The following COG4 variants were observed in gnomAD, a reference collection of about 807,000 sequenced individuals.
The protein encoded by COG4 is conserved oligomeric Golgi complex subunit 4.
In COG4, 65 loss-of-function variants were observed where a neutral mutation model predicts 95.1. That is an observed-to-expected ratio of 0.68 (90% CI 0.56 to 0.84). COG4 has a LOEUF of 0.84. COG4 is among the 40% of genes least tolerant of loss of function. The probability of loss-of-function intolerance (pLI) is 0.00; values close to 1 mark genes in which losing one functional copy is unlikely to be tolerated. For synonymous variants in COG4, 421 were observed against 374.8 expected (o/e 1.12, Z -1.42); for missense variants, 1,045 against 989.1 (o/e 1.06, Z -0.76).
intron 3 of COG4, among the ~76,000 whole-genome samples, chr16:70,516,585 C>T (rs2049827843): frequency 1.3e-5 from 2 of 152,040 alleles, no homozygotes; most frequent in South Asian, 4.1e-4. Context: ...CGTGAGCCAC[C>T]GCGCCCAGCC....
At position 70,514,512 on chromosome 16, in the gene COG4, G is replaced by A. The variant is rs745359713; in HGVS notation, c.370-3C>T. On this transcript the variant is annotated splice_region_variant and splice_polypyrimidine_tract_variant and intron_variant, in intron 3 of 18. Transcript: ENST00000323786. Reference sequence around the variant, plus strand: ...TGAATGGCCTGATAGAGGCGGTTCTGCAAAAAGATTTGGTACTTACAAACA... The same window carrying A: ...TGAATGGCCTGATAGAGGCGGTTCTACAAAAAGATTTGGTACTTACAAACA... 45 of 1,613,588 alleles carry A rather than the reference G, an allele frequency of 2.8e-5. No individual in the cohort carries two copies. In the East Asian group the frequency reaches 9.8e-4, roughly 35 times the overall value.
At chr16:70,502,977 A>G (rs2049485251) in intron 8 of COG4, among the ~76,000 whole-genome samples, 2 of 152,332 alleles carry the variant, frequency 1.3e-5, no homozygotes, top group South Asian at 4.1e-4. Context: ...AAAAGAATCA[A>G]GTTGAACCCC....
chr16:70,497,538 C>T (rs1011389618), intron 10 of COG4, 151 bp from the exon 11 acceptor site: 2 of 781,916 alleles, frequency 2.6e-6, no homozygotes, highest in East Asian at 5.2e-5. Flanking sequence ...GTCAAAATAG[C>T]TTACTTCCCT....
At chr16:70,522,022 A>C (rs567034512) in intron 1 of COG4, among the ~76,000 whole-genome samples, 1 of 139,648 alleles carries the variant, frequency 7.2e-6, no homozygotes, top group African/African-American at 2.7e-5. Flanking sequence ...TAAGAGACAC[A>C]ATTTTGCTCT....
At position 70,519,696 on chromosome 16, in the gene COG4, T is replaced by C; in HGVS notation, c.207A>G (p.Glu69=). 3 of 1,613,998 alleles carry C rather than the reference T, an allele frequency of 1.9e-6. No individual in the cohort carries two copies. Among genetic ancestry groups the C allele is most frequent in the Non-Finnish European group, 2.5e-6 (3 of 1,179,946 alleles). Residue 69 remains glutamate, a synonymous_variant, in exon 2 of 19, where the codon GAA becomes GAG. Transcript: ENST00000323786. ...TCTTACTTTCAATGGTGTTTTGCTG[T>C]TCCAAAAGAGCATCCAGCTCTCTCT... ...VVERELDALL[E]QQNTIESKMV...
intron 8 of COG4, 162 bp from the exon 9 acceptor site, chr16:70,501,253 A>G (rs193300342): frequency 1.2e-5 from 8 of 685,090 alleles, no homozygotes; most frequent in Admixed American, 7.4e-5. Context: ...AGAATCAGAG[A>G]TAGCTGTCAA....
chr16:70,492,372 ATGGAGGCCAGGCGCAG>A (rs2049261670), intron 12 of COG4, among the ~76,000 whole-genome samples: 1 of 152,176 alleles, frequency 6.6e-6, no homozygotes, highest in African/African-American at 2.4e-5. Context: ...TAAAAGTAGC[ATGGAGGCCAGGCGCAG>A]TGGCTCATGC....
rs778700990 is a variant in COG4, at chr16:70,490,378, G to T, written c.1662C>A (p.Asn554Lys). 6.2e-7 allele frequency: 1 copy of T among 1,613,694 alleles called. No individual in the cohort carries two copies. The highest frequency in any genetic ancestry group is 8.5e-7 in the Non-Finnish European group (1 of 1,179,694). ...AGATGTTTTCACTGCAGACTTCCACGTTGTTCAGAGTCACCTGGGAGATGA... is the reference window on the plus strand; with the variant it reads ...AGATGTTTTCACTGCAGACTTCCACTTTGTTCAGAGTCACCTGGGAGATGA... ...AKMSFLVTLN[N>K]VEVCSENIST... The change falls in exon 13 of 19, where the codon AAC (asparagine) becomes AAA (lysine). Residue 554 changes from asparagine to lysine, a missense_variant. Coordinates refer to ENST00000323786, the MANE Select transcript of COG4 (RefSeq NM_015386.3).
At chr16:70,518,133 G>A (rs1271721969) in intron 2 of COG4, among the ~76,000 whole-genome samples, 1 of 152,050 alleles carries the variant, frequency 6.6e-6, no homozygotes, top group Non-Finnish European at 1.5e-5. Context: ...GTTTCACCAC[G>A]TTGGCCAGGA....
chr16:70,500,496 G>A (rs1192307921), intron 9 of COG4, among the ~76,000 whole-genome samples: 1 of 150,694 alleles, frequency 6.6e-6, no homozygotes, highest in Non-Finnish European at 1.5e-5. Flanking sequence ...GAGTAGCTGG[G>A]ACTGCAGGTG....
intron 15 of COG4, 30 bp from the exon 16 acceptor site, chr16:70,482,205 T>C (rs749694230): frequency 6.3e-6 from 9 of 1,439,140 alleles, no homozygotes; most frequent in East Asian, 2.3e-5. Flanking sequence ...CTGGTCACCA[T>C]GGGCCTCATA....
intron 18 of COG4, 38 bp from the exon 19 acceptor site, chr16:70,481,182 GGTTAT>G: frequency 6.2e-7 from 1 of 1,613,038 alleles, no homozygotes; most frequent in South Asian, 1.1e-5. Flanking sequence ...AGCAAGGTGG[GGTTAT>G]TCTGAAAGAG....
At chr16:70,482,655 G>A (rs1357925936) in intron 15 of COG4, 74 bp downstream of exon 15, 4 of 1,212,356 alleles carry the variant, frequency 3.3e-6, no homozygotes, top group Non-Finnish European at 3.7e-6. Context: ...CTGTTCAGAT[G>A]GCTCTGCTCC....
chr16:70,519,844 T>C (rs1258048687), intron 1 of COG4, 113 bp from the exon 2 acceptor site: 1 of 775,588 alleles, frequency 1.3e-6, no homozygotes, highest in Non-Finnish European at 2.2e-6. Flanking sequence ...CTTTTTTCCT[T>C]CCACTATGTT....
At chr16:70,509,045 A>T (rs1244200483) in intron 7 of COG4, 186 bp downstream of exon 7, 1 of 716,652 alleles carries the variant, frequency 1.4e-6, no homozygotes, top group Non-Finnish European at 2.4e-6. Context: ...GGCCATCATC[A>T]TCTCGACAAC....
intron 8 of COG4, among the ~76,000 whole-genome samples, chr16:70,506,782 C>G (rs1411427631): frequency 6.8e-6 from 1 of 147,780 alleles, no homozygotes; most frequent in East Asian, 1.9e-4. Flanking sequence ...AAACAGAGAC[C>G]CTGTTTCTAA....
At chr16:70,522,289 C>T (rs1209043301) in intron 1 of COG4, among the ~76,000 whole-genome samples, 1 of 152,150 alleles carries the variant, frequency 6.6e-6, no homozygotes, top group Admixed American at 6.5e-5. Flanking sequence ...GCCACCGCGC[C>T]CCGCAAGATA....
intron 4 of COG4, among the ~76,000 whole-genome samples, chr16:70,512,773 A>G (rs1370671256): frequency 6.6e-6 from 1 of 152,154 alleles, no homozygotes; most frequent in East Asian, 1.9e-4. Context: ...AGGTCAAGGG[A>G]TTGAGACCAT....
intron 12 of COG4, 126 bp from the exon 13 acceptor site, chr16:70,490,518 C>G: frequency 1.3e-6 from 1 of 788,938 alleles, no homozygotes; most frequent in Middle Eastern, 2.8e-4. Context: ...TTCAGACTTG[C>G]GCTAATGAAA....
Sources: allele counts gnomAD v4.1 joint callset (sites outside exome capture counted in the v4.1 genomes callset), GRCh38; gene constraint gnomAD v4.1.1; transcripts MANE v1.5; gene names NCBI Gene and HGNC (gene_info 2026-07-23, HGNC 2026-07-21).